PTPN22: variants seen among roughly 807,000 people sequenced by gnomAD.
The protein encoded by PTPN22 is tyrosine-protein phosphatase non-receptor type 22.
PTPN22 carries 85 observed loss-of-function variants against 103.3 expected under a neutral mutation model. That is an observed-to-expected ratio of 0.82 (90% CI 0.69 to 0.99). The LOEUF is 0.99. Among genes scored for constraint, PTPN22 ranks in the 50% least tolerant of loss-of-function variants. The pLI, the probability that PTPN22 is intolerant of heterozygous loss-of-function variation, is 0.00. For missense variants in PTPN22, 865 were observed against 936.9 expected (o/e 0.92, Z 1.00); for synonymous variants, 323 against 310.2 (o/e 1.04, Z -0.43).
intron 1 of PTPN22, among the ~76,000 whole-genome samples, chr1:113,862,341 C>T (rs988087316): frequency 4.0e-5 from 6 of 151,888 alleles, no homozygotes; most frequent in Non-Finnish European, 5.9e-5. Flanking sequence ...CTCAACATCC[C>T]TCGTGGGCCC....
intron 18 of PTPN22, among the ~76,000 whole-genome samples, chr1:113,825,392 A>G (rs888636081): frequency 3.9e-5 from 6 of 152,134 alleles, no homozygotes; most frequent in African/African-American, 1.4e-4. Context: ...ATCACACTAC[A>G]TATTTTGAAA....
At chr1:113,816,795 G>A (rs1208344303) in intron 20 of PTPN22, among the ~76,000 whole-genome samples, 2 of 152,166 alleles carry the variant, frequency 1.3e-5, no homozygotes, top group Non-Finnish European at 2.9e-5. Context: ...TGTAATGCCA[G>A]CTACAGGGGA....
chr1:113,845,399 G>C (rs1431538943), intron 11 of PTPN22, among the ~76,000 whole-genome samples: 2 of 151,678 alleles, frequency 1.3e-5, no homozygotes, highest in African/African-American at 4.8e-5. Flanking sequence ...GATGGGGTTT[G>C]GCCAGGCTGA....
chr1:113,845,830 T>C (rs543174915), intron 11 of PTPN22, among the ~76,000 whole-genome samples: 8 of 152,352 alleles, frequency 5.3e-5, no homozygotes, highest in African/African-American at 1.9e-4. Flanking sequence ...TCTATATACA[T>C]TTAGGACTAT....
At chr1:113,814,585 T>G in exon 21 of PTPN22, 1 of 215,308 alleles carries the variant, frequency 4.6e-6, no homozygotes, top group Non-Finnish European at 9.2e-6. Context: ...TTTATGTTTA[T>G]GTAGAAAAGT....
intron 19 of PTPN22, among the ~76,000 whole-genome samples, chr1:113,822,359 G>C (rs1450913149): frequency 6.6e-6 from 1 of 152,158 alleles, no homozygotes; most frequent in Non-Finnish European, 1.5e-5. Context: ...ATAGGAAACA[G>C]AGCATGTAAC....
At position 113,833,128 on chromosome 1, in the gene PTPN22, AG is replaced by A. The variant is rs753505590; in HGVS notation, c.2035del (p.Leu679SerfsTer24). Reference sequence around the variant, plus strand: ...ATTTTTACCTGATTTAGGACTTCGGAGTTTTACACTCTAAAAGAAAAAAAGA... The same window carrying A: ...ATTTTTACCTGATTTAGGACTTCGGATTTTACACTCTAAAAGAAAAAAAGA... On this transcript the variant is annotated frameshift_variant, in exon 16 of 21. Transcript: ENST00000359785. LOFTEE classifies it high-confidence loss of function. 4 of 1,566,750 alleles carry A rather than the reference AG, an allele frequency of 2.6e-6. No homozygotes were observed. The highest frequency in any genetic ancestry group is 3.5e-6 in the Non-Finnish European group (4 of 1,142,172).
chr1:113,834,784 C>T, intron 14 of PTPN22, 126 bp downstream of exon 14: 6 of 829,842 alleles, frequency 7.2e-6, no homozygotes, highest in Non-Finnish European at 9.8e-6. Flanking sequence ...TAGTCTTGAA[C>T]TCCTGGCCTC....
At chr1:113,819,061 T>C (rs1212680534) in intron 20 of PTPN22, among the ~76,000 whole-genome samples, 1 of 152,210 alleles carries the variant, frequency 6.6e-6, no homozygotes, top group African/African-American at 2.4e-5. Flanking sequence ...AGTACATAAA[T>C]ATGTATCACA....
At chr1:113,823,041 CT>C (rs1177951205) in intron 19 of PTPN22, 1 of 152,136 alleles carries the variant, frequency 6.6e-6, no homozygotes, top group Non-Finnish European at 1.5e-5. Flanking sequence ...TTTTGTTTTC[CT>C]TCATAGCATT....
chr1:113,862,871 G>A (rs1665736709), intron 1 of PTPN22, among the ~76,000 whole-genome samples: 1 of 152,152 alleles, frequency 6.6e-6, no homozygotes, highest in Admixed American at 6.6e-5. Flanking sequence ...CCAGTAATCA[G>A]GAGAACTACC....
At chr1:113,859,249 A>G (rs531357032) in intron 2 of PTPN22, 103 bp downstream of exon 2, 2 of 1,536,322 alleles carry the variant, frequency 1.3e-6, no homozygotes, top group East Asian at 2.3e-5. Context: ...TAAGTTGTCA[A>G]TGCCATGTTC....
At chr1:113,844,694 G>T (rs1477360081) in intron 11 of PTPN22, among the ~76,000 whole-genome samples, 2 of 152,104 alleles carry the variant, frequency 1.3e-5, no homozygotes, top group Non-Finnish European at 2.9e-5. Flanking sequence ...AATTCAGTGT[G>T]TTTCTTTATT....
chr1:113,829,494 G>C (rs578071570), intron 18 of PTPN22, 98 bp downstream of exon 18: 1 of 596,764 alleles, frequency 1.7e-6, no homozygotes, highest in Admixed American at 2.9e-5. Flanking sequence ...TTTTAATAAA[G>C]ATATTTAATC....
At chr1:113,816,778 G>A (rs953825066) in intron 20 of PTPN22, among the ~76,000 whole-genome samples, 13 of 152,044 alleles carry the variant, frequency 8.6e-5, no homozygotes, top group East Asian at 3.9e-4. Flanking sequence ...GCATGGTGGC[G>A]GGTGCCTGTA....
exon 11 of PTPN22, chr1:113,848,569 C>A (rs779506403): frequency 1.2e-6 from 2 of 1,613,586 alleles, no homozygotes; most frequent in South Asian, 1.1e-5. Flanking sequence ...TCTCTGATAA[C>A]ATCCATCTGT....
chr1:113,843,951 C>A (rs548706464), intron 11 of PTPN22, among the ~76,000 whole-genome samples: 1 of 152,250 alleles, frequency 6.6e-6, no homozygotes, highest in African/African-American at 2.4e-5. Context: ...CCATTCTGGG[C>A]CGGGTGTGGT....
intron 1 of PTPN22, among the ~76,000 whole-genome samples, chr1:113,868,776 G>A (rs1349173776): frequency 6.6e-6 from 1 of 152,114 alleles, no homozygotes; most frequent in African/African-American, 2.4e-5. Flanking sequence ...GTCTTCGGGG[G>A]TCTGACAGTT....
chr1:113,848,932 A>G (rs1195105114), intron 10 of PTPN22, among the ~76,000 whole-genome samples: 1 of 151,672 alleles, frequency 6.6e-6, no homozygotes. Flanking sequence ...CTCCACCATC[A>G]TTTCTCTAAT....
Sources: allele counts gnomAD v4.1 joint callset (sites outside exome capture counted in the v4.1 genomes callset), GRCh38; gene constraint gnomAD v4.1.1; transcripts MANE v1.5; gene names NCBI Gene and HGNC (gene_info 2026-07-23, HGNC 2026-07-21).